ARL15: variants seen among roughly 807,000 people sequenced by gnomAD.
ARL15 encodes the protein ADP-ribosylation factor-like protein 15.
ARL15 carries 19 observed loss-of-function variants against 25.2 expected under a neutral mutation model. The observed-to-expected ratio is 0.75, with a 90% confidence interval of 0.53 to 1.10. The LOEUF (loss-of-function observed/expected upper bound fraction) is 1.10, where lower values mean the gene tolerates loss of function less well. ARL15 is among the 50% of genes least tolerant of loss of function. The pLI is 0.00. For synonymous variants in ARL15, 94 were observed against 86.8 expected, an observed-to-expected ratio of 1.08 and a Z score of -0.46; for missense variants, 220 against 246.0, an observed-to-expected ratio of 0.89 and a Z score of 0.71.
intron 2 of ARL15, among the ~76,000 whole-genome samples, chr5:54,162,996 A>G (rs1754450798): frequency 2.0e-5 from 3 of 152,144 alleles, no homozygotes; most frequent in Admixed American, 2.0e-4. Flanking sequence ...TCAGGAAACA[A>G]TTCAGTCTTT....
intron 1 of ARL15, among the ~76,000 whole-genome samples, chr5:54,191,418 G>C (rs1368591069): frequency 6.6e-6 from 1 of 151,988 alleles, no homozygotes; most frequent in Non-Finnish European, 1.5e-5. Context: ...CATTATAAAT[G>C]CATTTAATAC....
intron 1 of ARL15, among the ~76,000 whole-genome samples, chr5:54,206,022 T>C (rs1412450752): frequency 6.6e-6 from 1 of 152,132 alleles, no homozygotes; most frequent in Non-Finnish European, 1.5e-5. Context: ...TATTTTTTCT[T>C]TGGCTAATCT....
intron 4 of ARL15, among the ~76,000 whole-genome samples, chr5:54,027,151 T>C (rs1749807725): frequency 6.6e-6 from 1 of 152,234 alleles, no homozygotes; most frequent in East Asian, 1.9e-4. Context: ...TGTAATGCTC[T>C]GAAGTGTAAA....
intron 1 of ARL15, among the ~76,000 whole-genome samples, chr5:54,304,963 G>A (rs778263972): frequency 3.9e-5 from 6 of 151,956 alleles, no homozygotes; most frequent in Non-Finnish European, 8.8e-5. Flanking sequence ...CATAGTGCCT[G>A]TGGGCTCTAC....
At chr5:54,201,356 T>C (rs1328921662) in intron 1 of ARL15, among the ~76,000 whole-genome samples, 1 of 152,182 alleles carries the variant, frequency 6.6e-6, no homozygotes, top group Non-Finnish European at 1.5e-5. Flanking sequence ...GAGTCTGAGA[T>C]ATGAATAAGA....
intron 4 of ARL15, among the ~76,000 whole-genome samples, chr5:54,104,899 T>C (rs536230836): frequency 6.6e-6 from 1 of 152,154 alleles, no homozygotes; most frequent in East Asian, 1.9e-4. Flanking sequence ...TATCTCTTGC[T>C]CCATTAAGAA....
At chr5:53,912,616 C>T (rs889126177) in intron 4 of ARL15, among the ~76,000 whole-genome samples, 13 of 152,318 alleles carry the variant, frequency 8.5e-5, no homozygotes, top group Admixed American at 2.0e-4. Context: ...GCACCCCCTC[C>T]TCCAAAGGGC....
intron 4 of ARL15, among the ~76,000 whole-genome samples, chr5:54,039,268 T>C (rs1312640750): frequency 6.6e-6 from 1 of 151,882 alleles, no homozygotes; most frequent in Non-Finnish European, 1.5e-5. Flanking sequence ...GAAAAGGACC[T>C]GAAAAATTGG....
intron 4 of ARL15, among the ~76,000 whole-genome samples, chr5:54,067,324 CT>C (rs1431241658): frequency 6.6e-6 from 1 of 152,174 alleles, no homozygotes; most frequent in Non-Finnish European, 1.5e-5. Flanking sequence ...AAAACTTACA[CT>C]TGTATAAATT....
At chr5:53,894,381 T>C (rs543281457) in intron 4 of ARL15, among the ~76,000 whole-genome samples, 2 of 152,340 alleles carry the variant, frequency 1.3e-5, no homozygotes, top group East Asian at 3.9e-4. Context: ...AGTTAGTATG[T>C]CCCAGAATAG....
intron 4 of ARL15, among the ~76,000 whole-genome samples, chr5:54,101,571 A>G (rs1752439525): frequency 6.6e-6 from 1 of 152,162 alleles, no homozygotes; most frequent in Non-Finnish European, 1.5e-5. Flanking sequence ...ACTGTGCTGT[A>G]TTAGCTTAAA....
At chr5:53,924,938 A>G (rs1160153952) in intron 4 of ARL15, among the ~76,000 whole-genome samples, 2 of 152,220 alleles carry the variant, frequency 1.3e-5, no homozygotes, top group Non-Finnish European at 2.9e-5. Context: ...GTTAAGTTAG[A>G]CATATTAGAC....
At chr5:54,238,385 A>G (rs1725906738) in intron 1 of ARL15, among the ~76,000 whole-genome samples, 1 of 152,074 alleles carries the variant, frequency 6.6e-6, no homozygotes. Context: ...AACAATAAGA[A>G]TAATAAAGAA....
intron 4 of ARL15, among the ~76,000 whole-genome samples, chr5:54,107,695 G>A (rs1752631036): frequency 6.6e-6 from 1 of 152,114 alleles, no homozygotes; most frequent in Non-Finnish European, 1.5e-5. Context: ...ATAAAATGAA[G>A]ATATGTATGT....
At chr5:54,130,573 A>G (rs1482889692) in intron 3 of ARL15, among the ~76,000 whole-genome samples, 1 of 152,238 alleles carries the variant, frequency 6.6e-6, no homozygotes, top group Non-Finnish European at 1.5e-5. Flanking sequence ...ATGATATATT[A>G]TTAACTTATT....
chr5:54,259,869 C>T (rs1483369374), intron 1 of ARL15, among the ~76,000 whole-genome samples: 1 of 152,052 alleles, frequency 6.6e-6, no homozygotes, highest in East Asian at 1.9e-4. Flanking sequence ...ATACAGATAC[C>T]CAATATTTTA....
intron 4 of ARL15, among the ~76,000 whole-genome samples, chr5:53,919,733 T>C (rs963335375): frequency 6.6e-6 from 1 of 152,190 alleles, no homozygotes; most frequent in Non-Finnish European, 1.5e-5. Context: ...GAGCACCTAC[T>C]ATTCCATGCT....
chr5:54,150,896 T>C (rs956670377), intron 3 of ARL15, among the ~76,000 whole-genome samples: 11 of 141,946 alleles, frequency 7.7e-5, no homozygotes, highest in African/African-American at 2.8e-4. Flanking sequence ...CTTCAAATCA[T>C]GCAAATAATA....
Position 54,223,152 on chromosome 5 carries a change from T to C in ARL15, c.49-51224A>G, listed in dbSNP as rs1415302952. Among the ~76,000 whole-genome samples the C allele has an allele frequency of 2.0e-5, 3 of 151,880 alleles. No homozygotes were observed. The East Asian group carries it at 5.8e-4, about 29-fold the overall frequency. On this transcript the variant is annotated intron_variant, in intron 1 of 4. Transcript: ENST00000504924. The stretch of plus-strand genomic sequence containing the variant: ...TCATGTTATTAAAAGGCAGTGACCA[T>C]GGAAGGGTAAATGTCCTCCCTCCTC...
Sources: gnomAD v4.1 joint callset for allele counts (sites outside exome capture counted in the v4.1 genomes callset) on GRCh38, gnomAD v4.1.1 for gene constraint, MANE v1.5 for transcripts, NCBI Gene and HGNC (gene_info 2026-07-23, HGNC 2026-07-21) for gene names.